Variants in MAPK4 observed in about 807,000 individuals in gnomAD.
The protein encoded by MAPK4 is Erk3-related.
Under a neutral mutation model 47.7 loss-of-function variants are expected in MAPK4, and 22 were observed. The ratio of observed to expected loss-of-function variants is 0.46; its 90% confidence interval spans 0.33 to 0.66. MAPK4 has a LOEUF of 0.66. Among genes scored for constraint, MAPK4 ranks in the 30% least tolerant of loss-of-function variants. The probability of loss-of-function intolerance (pLI) is 0.02; values close to 1 mark genes in which losing one functional copy is unlikely to be tolerated. For synonymous variants in MAPK4, 390 were observed against 365.7 expected, an observed-to-expected ratio of 1.07 and a Z score of -0.76; for missense variants, 736 against 831.7, an observed-to-expected ratio of 0.88 and a Z score of 1.42.
At chr18:50,630,768 T>C (rs1009607556) in intron 1 of MAPK4, among the ~76,000 whole-genome samples, 3 of 152,208 alleles carry the variant, frequency 2.0e-5, no homozygotes, top group African/African-American at 7.2e-5. Context: ...CGTCTGCCTT[T>C]TGGCTGTGCC....
At chr18:50,603,445 T>C (rs1376907695) in intron 1 of MAPK4, among the ~76,000 whole-genome samples, 1 of 152,194 alleles carries the variant, frequency 6.6e-6, no homozygotes, top group Non-Finnish European at 1.5e-5. Flanking sequence ...CCTGCCCTCC[T>C]CATCCTCCTA....
At chr18:50,699,348 A>G (rs748747147) in intron 2 of MAPK4, among the ~76,000 whole-genome samples, 4 of 152,254 alleles carry the variant, frequency 2.6e-5, no homozygotes, top group Non-Finnish European at 4.4e-5. Context: ...AAAGGTGTTC[A>G]CTATTTCTCA....
intron 1 of MAPK4, among the ~76,000 whole-genome samples, chr18:50,649,101 G>T (rs2043020502): frequency 6.6e-6 from 1 of 152,164 alleles, no homozygotes; most frequent in African/African-American, 2.4e-5. Flanking sequence ...CTAGGGATGG[G>T]GGTAGGCCCT....
chr18:50,573,370 A>G (rs1048186963), intron 1 of MAPK4, among the ~76,000 whole-genome samples: 1 of 152,084 alleles, frequency 6.6e-6, no homozygotes, highest in Non-Finnish European at 1.5e-5. Context: ...CTTCATCTCT[A>G]TTTACAGCCG....
chr18:50,600,802 A>G (rs1255383077), intron 1 of MAPK4, among the ~76,000 whole-genome samples: 1 of 151,834 alleles, frequency 6.6e-6, no homozygotes, highest in Non-Finnish European at 1.5e-5. Context: ...GATGCTTTTT[A>G]AAAAGTGAAA....
intron 1 of MAPK4, among the ~76,000 whole-genome samples, chr18:50,608,930 G>C (rs891997148): frequency 1.3e-5 from 2 of 151,766 alleles, no homozygotes; most frequent in African/African-American, 2.4e-5. Context: ...GACTCTTAAC[G>C]AGCATGCTGC....
intron 2 of MAPK4, among the ~76,000 whole-genome samples, chr18:50,666,657 C>G (rs961799826): frequency 1.1e-4 from 16 of 152,220 alleles, no homozygotes; most frequent in South Asian, 4.1e-4. Flanking sequence ...CTGACTTGCT[C>G]TTATCGGGTT....
chr18:50,611,004 G>A (rs1287933641), intron 1 of MAPK4, among the ~76,000 whole-genome samples: 1 of 152,090 alleles, frequency 6.6e-6, no homozygotes, highest in Non-Finnish European at 1.5e-5. Context: ...GACCACCGAG[G>A]GTGTGTCCAG....
intron 1 of MAPK4, among the ~76,000 whole-genome samples, chr18:50,611,929 T>C (rs1004154721): frequency 7.2e-5 from 11 of 152,156 alleles, no homozygotes; most frequent in African/African-American, 1.7e-4. Context: ...CACTCCATAA[T>C]CTTTAAAGAT....
chr18:50,567,207 A>G (rs2042206325), intron 1 of MAPK4, among the ~76,000 whole-genome samples: 1 of 151,994 alleles, frequency 6.6e-6, no homozygotes, highest in Admixed American at 6.6e-5. Context: ...TGTCATCTAC[A>G]TTAGGTATTT....
chr18:50,698,760 T>C (rs2338885), intron 2 of MAPK4, among the ~76,000 whole-genome samples: 29,768 of 152,158 alleles, frequency 0.2, 3,242 homozygotes, highest in African/African-American at 0.29. Flanking sequence ...CCAAGCACGG[T>C]GGCTCACACC....
intron 1 of MAPK4, among the ~76,000 whole-genome samples, chr18:50,578,552 A>G (rs771127535): frequency 6.6e-6 from 1 of 152,224 alleles, no homozygotes; most frequent in Non-Finnish European, 1.5e-5. Flanking sequence ...GGAAAAGGAA[A>G]TTATATGATT....
chr18:50,643,055 T>TTCCC (rs145288985), intron 1 of MAPK4, among the ~76,000 whole-genome samples: 21,780 of 152,190 alleles, frequency 0.14, 1,741 homozygotes, highest in Middle Eastern at 0.22. Context: ...CTTGTTTTCC[T>TTCCC]TCCCTCGTTC....
At chr18:50,628,551 G>C (rs138219509) in intron 1 of MAPK4, among the ~76,000 whole-genome samples, 144 of 152,272 alleles carry the variant, frequency 9.5e-4, no homozygotes, top group African/African-American at 3.3e-3. Flanking sequence ...GTGTTTTTTG[G>C]ATCCATGTTC....
chr18:50,649,091 C>T (rs2043020390), intron 1 of MAPK4, among the ~76,000 whole-genome samples: 1 of 152,188 alleles, frequency 6.6e-6, no homozygotes, highest in African/African-American at 2.4e-5. Flanking sequence ...AAAACTAAAC[C>T]TAGGGATGGG....
intron 2 of MAPK4, among the ~76,000 whole-genome samples, chr18:50,682,417 GAA>G (rs1235689392): frequency 6.6e-6 from 1 of 152,046 alleles, no homozygotes; most frequent in Non-Finnish European, 1.5e-5. Flanking sequence ...CCCAAAAATT[GAA>G]GAGAATACTT....
rs547143888 is a variant in MAPK4, at chr18:50,629,038, G to A, written c.-870-34051G>A. 1.5e-3 allele frequency among the ~76,000 whole-genome samples: 230 copies of A among 152,294 alleles called. 1 individual carries two copies. Among genetic ancestry groups the A allele is most frequent in the Non-Finnish European group, 2.5e-3 (171 of 68,020 alleles). On this transcript the variant is annotated intron_variant, in intron 1 of 5. Transcript: ENST00000400384. Reference sequence around the variant, plus strand: ...TGAAGCCTTGTGGTATACCTAATGCGGAAGGGTAGAAGCAATATGTGATTA... The same window carrying A: ...TGAAGCCTTGTGGTATACCTAATGCAGAAGGGTAGAAGCAATATGTGATTA...
At chr18:50,645,237 C>T (rs943300032) in intron 1 of MAPK4, among the ~76,000 whole-genome samples, 9 of 152,096 alleles carry the variant, frequency 5.9e-5, no homozygotes, top group African/African-American at 1.7e-4. Flanking sequence ...GCCAATGCGC[C>T]ATCCATAGTG....
intron 1 of MAPK4, among the ~76,000 whole-genome samples, chr18:50,634,256 GTGT>G (rs777959527): frequency 6.6e-6 from 1 of 151,906 alleles, no homozygotes; most frequent in South Asian, 2.1e-4. Flanking sequence ...ATTAATTCAA[GTGT>G]TGTTTGCCTG....
Sources: allele counts gnomAD v4.1 joint callset (sites outside exome capture counted in the v4.1 genomes callset), GRCh38; gene constraint gnomAD v4.1.1; transcripts MANE v1.5; gene names NCBI Gene and HGNC (gene_info 2026-07-23, HGNC 2026-07-21).